The following FAM13C variants were observed in gnomAD, a reference collection of about 807,000 sequenced individuals.
FAM13C encodes the protein family with sequence similarity 13 member C.
A neutral mutation model predicts 73.2 loss-of-function variants in FAM13C; 37 were observed. The observed-to-expected ratio is 0.51, with a 90% CI of 0.39 to 0.67. FAM13C has a LOEUF of 0.67. Ranked by LOEUF, FAM13C falls within the 30% of genes least tolerant of loss-of-function variation. The probability of loss-of-function intolerance (pLI) is 0.00; values close to 1 mark genes in which losing one functional copy is unlikely to be tolerated. For synonymous variants in FAM13C, 246 were observed against 260.9 expected, an observed-to-expected ratio of 0.94 and a Z score of 0.55; for missense variants, 589 against 715.6, an observed-to-expected ratio of 0.82 and a Z score of 2.02.
At chr10:59,253,109 AC>A in intron 11 of FAM13C, 111 bp from the exon 12 acceptor site, 1 of 1,025,602 alleles carries the variant, frequency 9.8e-7, no homozygotes, top group Non-Finnish European at 1.5e-6. Flanking sequence ...CCAGTAGGTG[AC>A]CCATGTGCCT....
At chr10:59,288,471 C>A (rs1845851033) in intron 5 of FAM13C, among the ~76,000 whole-genome samples, 1 of 151,238 alleles carries the variant, frequency 6.6e-6, no homozygotes, top group South Asian at 2.1e-4. Flanking sequence ...CCAGACTGGG[C>A]AACAGGGGGA....
chr10:59,264,839 C>T (rs1447533741), intron 8 of FAM13C, among the ~76,000 whole-genome samples: 1 of 152,032 alleles, frequency 6.6e-6, no homozygotes, highest in Non-Finnish European at 1.5e-5. Context: ...TGATCTTAAA[C>T]AAGTCAAGGC....
intron 5 of FAM13C, among the ~76,000 whole-genome samples, chr10:59,288,051 C>T (rs2133744470): frequency 6.6e-6 from 1 of 152,320 alleles, no homozygotes; most frequent in South Asian, 2.1e-4. Flanking sequence ...GGAGTGGGTG[C>T]TTAGACACTG....
chr10:59,295,159 G>T (rs989457108), intron 5 of FAM13C, among the ~76,000 whole-genome samples: 4 of 152,222 alleles, frequency 2.6e-5, no homozygotes, highest in Non-Finnish European at 2.9e-5. Flanking sequence ...GTGGTAGGCA[G>T]AATCCTAATA....
chr10:59,250,827 T>C (rs1225830733), intron 13 of FAM13C, among the ~76,000 whole-genome samples: 1 of 152,182 alleles, frequency 6.6e-6, no homozygotes, highest in East Asian at 1.9e-4. Flanking sequence ...AAGATTGATA[T>C]CCCACATGAC....
At chr10:59,302,924 T>C in intron 4 of FAM13C, 60 bp from the exon 5 acceptor site, 1 of 1,488,784 alleles carries the variant, frequency 6.7e-7, no homozygotes, top group Non-Finnish European at 9.3e-7. Flanking sequence ...GATGTACATG[T>C]GAAGCTGGTG....
At chr10:59,279,100 G>T (rs1844645672) in intron 6 of FAM13C, among the ~76,000 whole-genome samples, 3 of 152,214 alleles carry the variant, frequency 2.0e-5, no homozygotes, top group Admixed American at 6.5e-5. Context: ...CCCTGGAGTG[G>T]CACCGTGTTC....
rs1235447827 is a variant in FAM13C, at chr10:59,362,526, C to T, written c.-66G>A. Reference sequence around the variant, plus strand: ...CCGGGAGTTAGAGCACATACACAAACATGGCATTGCAAGGCAAGTCTCCGG... The same window carrying T: ...CCGGGAGTTAGAGCACATACACAAATATGGCATTGCAAGGCAAGTCTCCGG... On this transcript the variant is annotated 5_prime_UTR_variant, in exon 1 of 14. The change abolishes an upstream ATG in the 5' untranslated region. Transcript: ENST00000618804. 8 of 1,587,840 alleles carry T rather than the reference C, an allele frequency of 5.0e-6. No homozygotes were observed. The highest frequency in any genetic ancestry group is 4.0e-5 in the African/African-American group (3 of 74,626).
At chr10:59,253,976 T>C (rs1841668755) in intron 11 of FAM13C, 1 of 233,608 alleles carries the variant, frequency 4.3e-6, no homozygotes, top group Admixed American at 5.6e-5. Flanking sequence ...GTTAATTTTC[T>C]GATTAAAGGA....
intron 3 of FAM13C, among the ~76,000 whole-genome samples, chr10:59,345,115 G>C (rs1854126072): frequency 6.6e-6 from 1 of 152,206 alleles, no homozygotes; most frequent in African/African-American, 2.4e-5. Flanking sequence ...CAGTCATCCT[G>C]TATGGCAGCC....
At chr10:59,358,026 AC>A (rs2134306288) in intron 1 of FAM13C, among the ~76,000 whole-genome samples, 1 of 152,286 alleles carries the variant, frequency 6.6e-6, no homozygotes, top group South Asian at 2.1e-4. Context: ...AGTGAGTTAA[AC>A]AAAGGCCACC....
At chr10:59,262,297 A>ATGT in intron 10 of FAM13C, 137 bp downstream of exon 10, 3 of 719,662 alleles carry the variant, frequency 4.2e-6, no homozygotes, top group Non-Finnish European at 4.6e-6. Context: ...GTAACCTGTC[A>ATGT]GGAACTCATC....
chr10:59,310,475 GT>G (rs1157333660), intron 4 of FAM13C, among the ~76,000 whole-genome samples: 1 of 152,044 alleles, frequency 6.6e-6, no homozygotes, highest in Non-Finnish European at 1.5e-5. Flanking sequence ...TCTCTAGAGA[GT>G]CGAAGCCACA....
At chr10:59,347,414 C>T (rs1205760685) in intron 3 of FAM13C, among the ~76,000 whole-genome samples, 2 of 152,136 alleles carry the variant, frequency 1.3e-5, no homozygotes, top group Non-Finnish European at 2.9e-5. Context: ...AGAAGTAGAA[C>T]TTCTGATTCT....
chr10:59,312,366 A>G (rs1331679452), intron 4 of FAM13C, among the ~76,000 whole-genome samples: 1 of 152,210 alleles, frequency 6.6e-6, no homozygotes, highest in African/African-American at 2.4e-5. Flanking sequence ...CTCTCCCAAA[A>G]GGAAAGAGTC....
chr10:59,258,490 T>G (rs1459995), intron 10 of FAM13C, among the ~76,000 whole-genome samples: 3 of 151,946 alleles, frequency 2.0e-5, no homozygotes, highest in Non-Finnish European at 4.4e-5. Context: ...CTCTAAAAAA[T>G]TTAAAATAAA....
intron 5 of FAM13C, among the ~76,000 whole-genome samples, chr10:59,298,283 A>G (rs186396970): frequency 3.7e-4 from 57 of 152,354 alleles, no homozygotes; most frequent in African/African-American, 1.2e-3. Context: ...TTCAAGGTCA[A>G]TTGGCTTGTG....
At chr10:59,297,863 G>A (rs747030454) in intron 5 of FAM13C, among the ~76,000 whole-genome samples, 4 of 151,714 alleles carry the variant, frequency 2.6e-5, no homozygotes, top group African/African-American at 4.8e-5. Context: ...ATACCTGGGG[G>A]AGACAGACAC....
At chr10:59,254,479 A>G (rs200447100) in intron 10 of FAM13C, 36 bp from the exon 11 acceptor site, 108 of 1,272,086 alleles carry the variant, frequency 8.5e-5, no homozygotes, top group Non-Finnish European at 1.1e-4. Context: ...TTCCTCTCTC[A>G]GACAAGAATG....
Sources: allele counts gnomAD v4.1 joint callset (sites outside exome capture counted in the v4.1 genomes callset), GRCh38; gene constraint gnomAD v4.1.1; transcripts MANE v1.5; gene names NCBI Gene and HGNC (gene_info 2026-07-23, HGNC 2026-07-21).